The following GCA variants were observed in gnomAD, a reference collection of about 807,000 sequenced individuals.
GCA encodes the protein grancalcin.
In GCA, 30 loss-of-function variants were observed where a neutral mutation model predicts 32.6. The observed-to-expected ratio is 0.92, with a 90% CI of 0.69 to 1.25. GCA has a LOEUF of 1.25. GCA is among the 50% of genes most tolerant of loss of function. GCA has a pLI of 0.00. For synonymous variants in GCA, 102 were observed against 84.6 expected (o/e 1.21, Z -1.13); for missense variants, 291 against 266.8 (o/e 1.09, Z -0.63).
chr2:162,358,284 T>A (rs77570819), intron 5 of GCA, among the ~76,000 whole-genome samples: 1 of 151,688 alleles, frequency 6.6e-6, no homozygotes, highest in Non-Finnish European at 1.5e-5. Flanking sequence ...TTTTATTCAG[T>A]TGTATTCGTT....
upstream of GCA, among the ~76,000 whole-genome samples, chr2:162,342,851 T>C (rs571621591): frequency 2.3e-4 from 35 of 152,370 alleles, no homozygotes; most frequent in South Asian, 2.9e-3. Context: ...CTTTATCATT[T>C]GATACCTTCA....
intron 1 of GCA, among the ~76,000 whole-genome samples, chr2:162,345,131 GGTGGTTGTGGTT>G (rs1553464761): frequency 2.1e-5 from 3 of 144,232 alleles, no homozygotes; most frequent in South Asian, 4.3e-4. Flanking sequence ...TGGTGGTGGT[GGTGGTTGTGGTT>G]GTGGTTGTTG....
At chr2:162,326,873 G>A (rs953024906) in intron 1 of GCA, among the ~76,000 whole-genome samples, 11 of 152,054 alleles carry the variant, frequency 7.2e-5, no homozygotes, top group East Asian at 1.9e-4. Flanking sequence ...GAAAGCAAGC[G>A]TCCTCCCTCC....
At chr2:162,335,165 A>G (rs1431009168) in intron 1 of GCA, among the ~76,000 whole-genome samples, 1 of 152,186 alleles carries the variant, frequency 6.6e-6, no homozygotes, top group Non-Finnish European at 1.5e-5. Context: ...AAATCCTAGC[A>G]CTTTGGGAGG....
upstream of GCA, among the ~76,000 whole-genome samples, chr2:162,340,265 G>A (rs1684397927): frequency 6.6e-6 from 1 of 152,146 alleles, no homozygotes; most frequent in Non-Finnish European, 1.5e-5. Flanking sequence ...GCCTGACATA[G>A]TCACTTAGTA....
At chr2:162,371,459 TTGG>T (rs1480878931) in exon 5 of GCA, 21 of 1,269,150 alleles carry the variant, frequency 1.7e-5, no homozygotes, top group African/African-American at 4.6e-5. Context: ...GTTTTATCCC[TTGG>T]TTTCTTATTT....
chr2:162,327,714 G>A (rs535462633), intron 1 of GCA, among the ~76,000 whole-genome samples: 106 of 152,326 alleles, frequency 7.0e-4, no homozygotes, highest in African/African-American at 2.5e-3. Context: ...TGTGGCTGTC[G>A]AGGTGGAGGC....
chr2:162,351,004 C>G (rs1684967407), intron 2 of GCA, among the ~76,000 whole-genome samples: 1 of 152,118 alleles, frequency 6.6e-6, no homozygotes, highest in Admixed American at 6.5e-5. Flanking sequence ...CTTACATCTA[C>G]AGCCATATCC....
intron 2 of GCA, among the ~76,000 whole-genome samples, chr2:162,351,979 A>T (rs1216507374): frequency 6.6e-6 from 1 of 152,168 alleles, no homozygotes; most frequent in Admixed American, 6.5e-5. Context: ...CTCCCAAAAC[A>T]GCATGAGTGG....
At chr2:162,339,269 G>T (rs1053320509), upstream of GCA, among the ~76,000 whole-genome samples, 2 of 151,834 alleles carry the variant, frequency 1.3e-5, no homozygotes, top group Non-Finnish European at 2.9e-5. Context: ...TATGTCTTAT[G>T]CAAATAACAC....
Position 162,362,294 on chromosome 2 carries a change from A to T in GCA, c.*2051A>T. Reference sequence around the variant, plus strand: ...AAAACCTAACATTCTATGCCGATCCAACTTAATTGCCAGGCAACTCTTCTG... The same window carrying T: ...AAAACCTAACATTCTATGCCGATCCTACTTAATTGCCAGGCAACTCTTCTG... On this transcript the variant is annotated 3_prime_UTR_variant, in exon 8 of 8. Transcript: ENST00000437150. 1 of 984,616 alleles carries T rather than the reference A, an allele frequency of 1.0e-6. No individual in the cohort carries two copies. 61.0% of individuals were successfully genotyped at this position (984,616 alleles called of 1,614,324 possible).
rs184138232 is a variant in GCA, at chr2:162,335,208, T to C, written c.-30-12370T>C. 6.5e-4 allele frequency among the ~76,000 whole-genome samples: 99 copies of C among 152,196 alleles called. No homozygotes were observed. In the South Asian group the frequency reaches 9.5e-3, roughly 15 times the overall value. ...GGGTGGATCACTTGAGGTCAGGAGTTCAAGGCCACCCTGGCCAACACAGTG... is the reference window on the plus strand; with the variant it reads ...GGGTGGATCACTTGAGGTCAGGAGTCCAAGGCCACCCTGGCCAACACAGTG... On this transcript the variant is annotated intron_variant, in intron 1 of 4. Coordinates refer to the GCA transcript ENST00000429691.
exon 5 of GCA, chr2:162,371,571 T>A (rs1299284241): frequency 1.3e-5 from 11 of 866,052 alleles, no homozygotes; most frequent in African/African-American, 1.7e-5. Flanking sequence ...ATGCATGTGA[T>A]TTAAAAAATA....
intron 1 of GCA, among the ~76,000 whole-genome samples, chr2:162,326,919 T>C (rs1350344457): frequency 1.3e-5 from 2 of 152,230 alleles, no homozygotes; most frequent in African/African-American, 4.8e-5. Flanking sequence ...CCAGAGACCT[T>C]GGCAGGTGCC....
At chr2:162,342,938 T>C (rs776471285), upstream of GCA, among the ~76,000 whole-genome samples, 6 of 152,354 alleles carry the variant, frequency 3.9e-5, no homozygotes, top group South Asian at 2.1e-4. Flanking sequence ...AATTTAACCT[T>C]AGTGGCTTAA....
chr2:162,371,523 T>C, exon 5 of GCA: 1 of 1,132,350 alleles, frequency 8.8e-7, no homozygotes, highest in Non-Finnish European at 1.1e-6. Context: ...AAGCAGTAAA[T>C]AGGAGTCTCC....
chr2:162,331,392 AG>A (rs200873379), intron 1 of GCA, among the ~76,000 whole-genome samples: 8,380 of 152,296 alleles, frequency 0.055, 787 homozygotes, highest in African/African-American at 0.19. Context: ...ATGAATAGTG[AG>A]TATCAACTAT....
intron 1 of GCA, among the ~76,000 whole-genome samples, chr2:162,326,760 T>C (rs1488676719): frequency 6.6e-6 from 1 of 152,180 alleles, no homozygotes; most frequent in Admixed American, 6.5e-5. Flanking sequence ...TCAGGTGATC[T>C]GCCTGCCTTG....
chr2:162,350,649 ACT>A (rs1329217317), intron 2 of GCA, among the ~76,000 whole-genome samples: 8 of 152,074 alleles, frequency 5.3e-5, no homozygotes, highest in Non-Finnish European at 1.0e-4. Context: ...ATATTTGGAA[ACT>A]CTTTTTGACT....
Sources: gnomAD v4.1 joint callset for allele counts (sites outside exome capture counted in the v4.1 genomes callset) on GRCh38, gnomAD v4.1.1 for gene constraint, MANE v1.5 for transcripts, NCBI Gene and HGNC (gene_info 2026-07-23, HGNC 2026-07-21) for gene names.